The following CRYBG3 variants were observed in gnomAD, a reference collection of about 807,000 sequenced individuals.
CRYBG3 encodes crystallin beta-gamma domain containing 3, also known as very large A-kinase anchor protein.
A neutral mutation model predicts 244.2 loss-of-function variants in CRYBG3; 127 were observed. The observed-to-expected ratio is 0.52, with a 90% CI of 0.45 to 0.60. The LOEUF (loss-of-function observed/expected upper bound fraction) is 0.60. Ranked by LOEUF, CRYBG3 falls within the 20% of genes least tolerant of loss-of-function variation. The probability of loss-of-function intolerance (pLI) is 0.00; values close to 1 mark genes in which losing one functional copy is unlikely to be tolerated. For synonymous variants in CRYBG3, 1,132 were observed against 1,195.8 expected (o/e 0.95, Z 1.10); for missense variants, 3,325 against 3,442.5 (o/e 0.97, Z 0.85).
intron 17 of CRYBG3, among the ~76,000 whole-genome samples, chr3:97,927,413 TAACTC>T (rs1049186873): frequency 2.0e-5 from 3 of 151,928 alleles, no homozygotes; most frequent in Non-Finnish European, 4.4e-5. Context: ...TTGCAAAAAA[TAACTC>T]AAGATGGATT....
At chr3:97,893,101 A>G (rs751460675) in intron 11 of CRYBG3, 108 bp downstream of exon 11, 14 of 955,388 alleles carry the variant, frequency 1.5e-5, no homozygotes, top group Non-Finnish European at 2.1e-5. Context: ...AAAAATATAC[A>G]TTCCTTCTGT....
chr3:97,873,179 G>C lies in CRYBG3; in HGVS notation c.1985G>C (p.Gly662Ala). 5.2e-6 allele frequency: 8 copies of C among 1,535,868 alleles called. No individual in the cohort carries two copies. Among genetic ancestry groups the C allele is most frequent in the Non-Finnish European group, 7.0e-6 (8 of 1,146,800 alleles). Residue 662 changes from glycine to alanine, a missense_variant, in exon 4 of 22, where the codon GGA becomes GCA. By Grantham distance (60) the Gly-to-Ala change is moderately conservative. Transcript: ENST00000389622. Reference sequence around the variant, plus strand: ...ATTTCACCTCCTACCTTTGTTTCTGGAGTTGGGATGCTGAGCAAGTTGGAT... The same window carrying C: ...ATTTCACCTCCTACCTTTGTTTCTGCAGTTGGGATGCTGAGCAAGTTGGAT... ...FSISPPTFVS[G>A]VGMLSKLDIP...
rs1576501976 is a variant in CRYBG3 at position 97,822,081 on chromosome 3, G to T, written c.-126G>T. On this transcript the variant is annotated 5_prime_UTR_variant, in exon 1 of 22. Transcript: ENST00000389622. ...TCCTGCCCGAGAGAGACTGAGCCGC[G>T]CTGGCAGCTCGCGTCGAGTCGGTCT... 1 of 748,292 alleles carries T rather than the reference G, an allele frequency of 1.3e-6. No homozygotes were observed. The highest frequency in any genetic ancestry group is 1.9e-6 in the Non-Finnish European group (1 of 532,594). 46.4% of individuals were successfully genotyped at this position (748,292 alleles called of 1,614,324 possible).
intron 3 of CRYBG3, among the ~76,000 whole-genome samples, chr3:97,869,678 A>G (rs1364600186): frequency 1.3e-5 from 2 of 152,180 alleles, no homozygotes; most frequent in Non-Finnish European, 2.9e-5. Context: ...CTAGCCTGAA[A>G]TTCATGCAGC....
At chr3:97,924,898 G>T (rs528256891) in intron 17 of CRYBG3, among the ~76,000 whole-genome samples, 1 of 152,146 alleles carries the variant, frequency 6.6e-6, no homozygotes, top group Admixed American at 6.6e-5. Context: ...AACATTTGTG[G>T]GGTAGGGAGA....
chr3:97,906,804 G>C (rs1168879237), intron 15 of CRYBG3, among the ~76,000 whole-genome samples: 3 of 152,082 alleles, frequency 2.0e-5, no homozygotes, highest in Non-Finnish European at 4.4e-5. Flanking sequence ...TGGTGAGAGA[G>C]GGCATCCCTG....
chr3:97,874,217 C>T lies in CRYBG3; in HGVS notation c.3023C>T (p.Pro1008Leu). The change falls in exon 4 of 22, where the codon CCT becomes CTT. Residue 1008 changes from proline to leucine, a missense_variant. Physicochemically the swap from Pro to Leu is moderately conservative, Grantham distance 98. This residue lies in a region of CRYBG3 where 1,526 missense variants were observed against 1,443.2 expected (regional missense o/e 1.06). Transcript: ENST00000389622. ...QETGSMKVNS[P>L]FLDSDSSLEK... ...ACTGGCAGCATGAAAGTAAATTCAC[C>T]TTTTCTGGATTCTGATTCCAGTTTG... 2.0e-6 allele frequency: 3 copies of T among 1,534,340 alleles called. No individual in the cohort carries two copies. Among genetic ancestry groups the T allele is most frequent in the Middle Eastern group, 1.7e-4 (1 of 5,980 alleles).
At chr3:97,878,364 C>T (rs1011250362) in intron 4 of CRYBG3, among the ~76,000 whole-genome samples, 7 of 152,176 alleles carry the variant, frequency 4.6e-5, no homozygotes, top group Non-Finnish European at 8.8e-5. Context: ...GAGCCAAGAT[C>T]GCACCAGTGC....
Position 97,875,222 on chromosome 3 carries a change from T to A in CRYBG3, c.4028T>A (p.Ile1343Asn), listed in dbSNP as rs1232340409. The A allele has an allele frequency of 1.3e-6, 2 of 1,531,490 alleles. No individual in the cohort carries two copies. Among genetic ancestry groups the A allele is most frequent in the East Asian group, 2.4e-5 (1 of 40,902 alleles). The allele number at this position is 1,531,490 out of a possible 1,614,324, so 94.9% of individuals were successfully genotyped here. ...DSELQANTSK[I>N]LNSDSVKPHD... ...GAACTTCAGGCTAATACTTCAAAAA[T>A]TCTGAACAGTGATAGTGTTAAGCCA... The change falls in exon 4 of 22, where the codon ATT (isoleucine) becomes AAT (asparagine). Residue 1343 changes from isoleucine (I) to asparagine (N), a missense_variant. Ile to Asn is a moderately radical substitution (Grantham distance 149). Around this residue, in one of 4 missense-constraint regions of CRYBG3, gnomAD observed 635 missense variants for 771.7 expected, o/e 0.82. Coordinates refer to ENST00000389622, the MANE Select transcript of CRYBG3 (RefSeq NM_153605.4).
Position 97,873,802 on chromosome 3 carries a change from C to T in CRYBG3, c.2608C>T (p.Pro870Ser). The T allele has an allele frequency of 6.5e-7, 1 of 1,532,568 alleles. No individual in the cohort carries two copies. Among genetic ancestry groups the T allele is most frequent in the Non-Finnish European group, 8.7e-7 (1 of 1,145,838 alleles). 94.9% of individuals were successfully genotyped at this position (1,532,568 alleles called of 1,614,324 possible). Residue 870 changes from proline to serine, a missense_variant, in exon 4 of 22, where the codon CCT becomes TCT. By Grantham distance (74) the Pro-to-Ser change is moderately conservative. Around this residue, in one of 4 missense-constraint regions of CRYBG3, gnomAD observed 1,526 missense variants for 1,443.2 expected, o/e 1.06. Transcript: ENST00000389622. ...GAAAATTACCCATGTTCCAGAAAAG[C>T]CTATTTTGTCAGAATTAACCTTTCT... ...PLKITHVPEKPILSELTFLEV... is the reference protein window; with the variant it reads ...PLKITHVPEKSILSELTFLEV...
intron 7 of CRYBG3, among the ~76,000 whole-genome samples, chr3:97,881,697 C>G (rs1453256141): frequency 2.6e-5 from 4 of 151,878 alleles, no homozygotes; most frequent in African/African-American, 4.8e-5. Context: ...GCCTGGGCGA[C>G]AGAGTGAGAT....
In CRYBG3 at chr3:97,895,914, TAC is replaced by T. The variant is rs370931280; in HGVS notation, c.7575-43_7575-42del. 79 of 1,590,716 alleles carry T rather than the reference TAC, an allele frequency of 5.0e-5. No individual in the cohort carries two copies. In the East Asian group the frequency reaches 9.0e-4, roughly 18 times the overall value. On this transcript the variant is annotated intron_variant, in intron 11 of 21. Transcript: ENST00000389622. ...ATTGTCTCTGTTTTGCTTTCTTGAC[TAC>T]AGTTTTATTAATGGGTCATTTGGGT...
At chr3:97,854,134 A>G (rs1003472293) in intron 2 of CRYBG3, among the ~76,000 whole-genome samples, 6 of 151,986 alleles carry the variant, frequency 3.9e-5, no homozygotes, top group Non-Finnish European at 8.8e-5. Flanking sequence ...AGTTGGCTGT[A>G]TTTGGCTTTA....
chr3:97,825,508 G>A (rs963487078), intron 1 of CRYBG3, among the ~76,000 whole-genome samples: 8 of 152,188 alleles, frequency 5.3e-5, no homozygotes, highest in African/African-American at 1.9e-4. Context: ...CCACTTTTAC[G>A]ATCTGACAAT....
intron 3 of CRYBG3, among the ~76,000 whole-genome samples, chr3:97,867,389 C>T (rs2039247244): frequency 6.6e-6 from 1 of 152,122 alleles, no homozygotes; most frequent in African/African-American, 2.4e-5. Flanking sequence ...GAATTAGATA[C>T]TTTTGCTGTA....
intron 16 of CRYBG3, among the ~76,000 whole-genome samples, chr3:97,914,582 T>G (rs2039907174): frequency 6.6e-6 from 1 of 152,110 alleles, no homozygotes; most frequent in South Asian, 2.1e-4. Flanking sequence ...GCTATATAAC[T>G]TTAGGCAAAA....
At chr3:97,828,553 G>A (rs1346187135) in intron 1 of CRYBG3, among the ~76,000 whole-genome samples, 9 of 149,882 alleles carry the variant, frequency 6.0e-5, no homozygotes, top group African/African-American at 1.2e-4. Flanking sequence ...AAAGCCGGGC[G>A]TGGTGGCTCA....
chr3:97,943,129 A>G (rs2040268439), intron 21 of CRYBG3, 97 bp from the exon 22 acceptor site: 2 of 675,446 alleles, frequency 3.0e-6, no homozygotes, highest in Admixed American at 5.6e-5. Flanking sequence ...ACATTCATCC[A>G]CCGAAATGGT....
At chr3:97,920,696 A>T (rs902487065) in intron 17 of CRYBG3, among the ~76,000 whole-genome samples, 10 of 151,808 alleles carry the variant, frequency 6.6e-5, no homozygotes, top group African/African-American at 2.2e-4. Context: ...CTCCCAGCTA[A>T]TGTTTGTATT....
Sources: allele counts gnomAD v4.1 joint callset (sites outside exome capture counted in the v4.1 genomes callset), GRCh38; gene constraint gnomAD v4.1.1; regional missense constraint gnomAD v4.1.1; transcripts MANE v1.5; gene names NCBI Gene and HGNC (gene_info 2026-07-23, HGNC 2026-07-21).